Variants in NEB observed in about 807,000 individuals in gnomAD.
NEB encodes nemaline myopathy type 2.
In NEB, 512 loss-of-function variants were observed where a neutral mutation model predicts 952.2. The ratio of observed to expected loss-of-function variants is 0.54; its 90% CI spans 0.50 to 0.58. The LOEUF is 0.58. NEB is among the 20% of genes least tolerant of loss of function. The probability of loss-of-function intolerance (pLI) is 0.00; values close to 1 mark genes in which losing one functional copy is unlikely to be tolerated. For missense variants in NEB, 8,428 were observed against 9,231.1 expected, an observed-to-expected ratio of 0.91 and a Z score of 3.56; for synonymous variants, 2,900 against 3,149.8, an observed-to-expected ratio of 0.92 and a Z score of 2.66.
At chr2:151,494,321 G>A (rs2058668245) in intron 173 of NEB, 68 bp from the exon 174 acceptor site, 3 of 1,065,204 alleles carry the variant, frequency 2.8e-6, no homozygotes, top group Admixed American at 2.4e-5. Flanking sequence ...AAAAGGAAAT[G>A]GTACAGATAA....
intron 153 of NEB, among the ~76,000 whole-genome samples, chr2:151,520,996 T>C (rs1484182007): frequency 1.3e-5 from 2 of 152,242 alleles, no homozygotes; most frequent in African/African-American, 4.8e-5. Flanking sequence ...AGTAGAATTC[T>C]ACTAGTTATT....
intron 58 of NEB, 123 bp from the exon 59 acceptor site, chr2:151,642,992 G>T: frequency 8.8e-7 from 1 of 1,135,910 alleles, no homozygotes; most frequent in South Asian, 1.6e-5. Flanking sequence ...GACATTTTCA[G>T]GTCTAAATGT....
At chr2:151,691,995 T>C in intron 22 of NEB, 27 bp from the exon 23 acceptor site, 2 of 1,608,212 alleles carry the variant, frequency 1.2e-6, no homozygotes, top group Non-Finnish European at 1.7e-6. Flanking sequence ...CAAAAATAGA[T>C]CATGATTGTT....
chr2:151,643,437 CT>C (rs1275363058), intron 57 of NEB, 84 bp from the exon 58 acceptor site: 34 of 1,240,448 alleles, frequency 2.7e-5, no homozygotes, highest in African/African-American at 2.7e-4. Flanking sequence ...TCATTTGCCC[CT>C]AAATAAAAGT....
chr2:151,537,271 G>T, intron 140 of NEB, 35 bp from the exon 141 acceptor site: 1 of 1,331,338 alleles, frequency 7.5e-7, no homozygotes, highest in Non-Finnish European at 1.1e-6. Context: ...GTTCTAAGAA[G>T]CCATCTCCAA....
intron 138 of NEB, among the ~76,000 whole-genome samples, chr2:151,539,564 A>G (rs2093730855): frequency 6.6e-6 from 1 of 152,170 alleles, no homozygotes; most frequent in African/African-American, 2.4e-5. Context: ...AAGTCCCAAC[A>G]TGTCTAGTCC....
chr2:151,651,537 A>G (rs1409363455), intron 52 of NEB, among the ~76,000 whole-genome samples: 4 of 152,328 alleles, frequency 2.6e-5, no homozygotes, highest in African/African-American at 9.6e-5. Flanking sequence ...ATGGCTAAAA[A>G]TAACTAAATA....
intron 71 of NEB, among the ~76,000 whole-genome samples, chr2:151,624,030 T>C (rs1041511769): frequency 9.9e-5 from 15 of 152,168 alleles, no homozygotes; most frequent in Admixed American, 6.5e-5. Context: ...AAAAAACAGA[T>C]GTGTTTGTTT....
intron 71 of NEB, among the ~76,000 whole-genome samples, chr2:151,625,138 T>A (rs2098494939): frequency 6.6e-6 from 1 of 152,208 alleles, no homozygotes; most frequent in Non-Finnish European, 1.5e-5. Context: ...TTAAAAATTC[T>A]TTAAGGTAAG....
intron 105 of NEB, among the ~76,000 whole-genome samples, chr2:151,579,034 T>C (rs1403747150): frequency 1.5e-5 from 2 of 135,172 alleles, no homozygotes; most frequent in South Asian, 2.3e-4. Context: ...TGGGCTGAGA[T>C]TGCACCACTG....
At position 151,715,235 on chromosome 2, in the gene NEB, G is replaced by T. The variant is rs7577146; in HGVS notation, c.822+2181C>A. Among the ~76,000 whole-genome samples the T allele has an allele frequency of 1.0e-3, 153 of 152,284 alleles. 1 individual carries two copies. Among genetic ancestry groups the T allele is most frequent in the African/African-American group, 3.4e-3 (141 of 41,558 alleles). On this transcript the variant is annotated intron_variant, in intron 10 of 181. Coordinates refer to ENST00000397345, the MANE Select transcript of NEB (RefSeq NM_001164508.2). ...TTTAAATGTAGAAGGAAACATGTGG[G>T]AAATAACTTTAATAATACAGTTTAC...
chr2:151,707,266 A>C (rs1192096442), intron 12 of NEB, among the ~76,000 whole-genome samples: 1 of 152,198 alleles, frequency 6.6e-6, no homozygotes, highest in African/African-American at 2.4e-5. Context: ...AGATATAAGA[A>C]AGAACACATG....
chr2:151,510,682 C>T (rs2073523194), intron 161 of NEB, among the ~76,000 whole-genome samples: 1 of 152,128 alleles, frequency 6.6e-6, no homozygotes, highest in Non-Finnish European at 1.5e-5. Context: ...TAATCTCTTA[C>T]TGTGCTAATT....
chr2:151,557,298 C>A (rs2095715030), intron 124 of NEB, among the ~76,000 whole-genome samples: 1 of 152,142 alleles, frequency 6.6e-6, no homozygotes, highest in African/African-American at 2.4e-5. Flanking sequence ...GACACATACA[C>A]CCTCCCAAGA....
intron 48 of NEB, among the ~76,000 whole-genome samples, chr2:151,657,492 T>C (rs1251555454): frequency 3.3e-5 from 5 of 152,168 alleles, no homozygotes; most frequent in Non-Finnish European, 7.4e-5. Context: ...CCAATTTCTG[T>C]GGTGTAAATA....
intron 63 of NEB, 120 bp downstream of exon 63, chr2:151,639,159 TG>T (rs2098815569): frequency 1.4e-6 from 1 of 723,618 alleles, no homozygotes; most frequent in Non-Finnish European, 2.2e-6. Flanking sequence ...ATGCAAGAGT[TG>T]TTATTCACAT....
At chr2:151,695,479 T>G (rs1001779777) in intron 18 of NEB, 99 bp downstream of exon 18, 22 of 845,526 alleles carry the variant, frequency 2.6e-5, no homozygotes, top group Non-Finnish European at 4.2e-5. Flanking sequence ...TTCTTCTCAT[T>G]TTTAACATTA....
intron 23 of NEB, 24 bp from the exon 24 acceptor site, chr2:151,690,849 T>C (rs773841046): frequency 7.4e-6 from 11 of 1,486,720 alleles, no homozygotes; most frequent in African/African-American, 1.4e-5. Flanking sequence ...TGTTCTTTAA[T>C]GAAATATCAG....
chr2:151,533,407 C>G (rs375168429), intron 143 of NEB, 35 bp downstream of exon 143: 12 of 1,425,010 alleles, frequency 8.4e-6, no homozygotes, highest in Non-Finnish European at 1.2e-5. Flanking sequence ...AAGACTTCTT[C>G]TAAACCTCCT....
Sources: allele counts gnomAD v4.1 joint callset (sites outside exome capture counted in the v4.1 genomes callset), GRCh38; gene constraint gnomAD v4.1.1; transcripts MANE v1.5; gene names NCBI Gene and HGNC (gene_info 2026-07-23, HGNC 2026-07-21).